B3GNT5: variants seen among roughly 807,000 people sequenced by gnomAD.
B3GNT5 encodes the protein UDP-GlcNAc:betaGal beta-1,3-N-acetylglucosaminyltransferase 5, also known as lactosylceramide 1,3-N-acetyl-beta-D-glucosaminyltransferase.
A neutral mutation model predicts 25.9 loss-of-function variants in B3GNT5; 11 were observed. The ratio of observed to expected loss-of-function variants is 0.42; its 90% CI spans 0.27 to 0.70. The LOEUF (loss-of-function observed/expected upper bound fraction) is 0.70. Ranked by LOEUF, B3GNT5 falls within the 30% of genes least tolerant of loss-of-function variation. The pLI is 0.23. For missense variants in B3GNT5, 385 were observed against 458.4 expected, an observed-to-expected ratio of 0.84 and a Z score of 1.46; for synonymous variants, 166 against 158.6, an observed-to-expected ratio of 1.05 and a Z score of -0.35.
chr3:183,264,658 C>T (rs562117883), intron 1 of B3GNT5, among the ~76,000 whole-genome samples: 5 of 152,262 alleles, frequency 3.3e-5, no homozygotes, highest in East Asian at 1.9e-4. Flanking sequence ...AACTTCAAAA[C>T]GGATAGCAGG....
At position 183,270,771 on chromosome 3, in the gene B3GNT5, C is replaced by A; in HGVS notation, c.973C>A (p.His325Asn). The change falls in exon 2 of 2, where the codon CAC becomes AAC. Residue 325 changes from histidine (H) to asparagine (N), a missense_variant. Coordinates refer to ENST00000326505, the MANE Select transcript of B3GNT5 (RefSeq NM_032047.5). This position sits in a 1 kb window ranked among gnomAD's most constrained non-coding sequence, Gnocchi z 4.5. ...IYEKMMTSHG[H>N]LEDLQDLWKN... ...TGAAAAAATGATGACATCTCATGGA[C>A]ACTTAGAAGATCTCCAGGACCTTTG... 2 of 1,613,878 alleles carry A rather than the reference C, an allele frequency of 1.2e-6. No homozygotes were observed. The highest frequency in any genetic ancestry group is 1.7e-6 in the Non-Finnish European group (2 of 1,179,950).
At chr3:183,257,958 C>CTTTTTTTT (rs35323502) in intron 1 of B3GNT5, among the ~76,000 whole-genome samples, 1,305 of 64,748 alleles carry the variant, frequency 0.02, 244 homozygotes, top group African/African-American at 0.034. Flanking sequence ...CCACTTCACC[C>CTTTTTTTT]TTTTTTTTTT....
At position 183,271,007 on chromosome 3, in the gene B3GNT5, T is replaced by G. The variant is rs1726725397; in HGVS notation, c.*72T>G. 1.5e-6 allele frequency: 2 copies of G among 1,369,206 alleles called. No homozygotes were observed. The highest frequency in any genetic ancestry group is 3.1e-5 in the South Asian group (2 of 65,094). The allele number at this position is 1,369,206 out of a possible 1,614,324, so 84.8% of individuals were successfully genotyped here. ...GATGAAAAAAACCTTTAAATGTTCG[T>G]CTATACCCTAAGTAAAATGAGGACG... On this transcript the variant is annotated 3_prime_UTR_variant, in exon 2 of 2. Transcript: ENST00000326505.
intron 1 of B3GNT5, among the ~76,000 whole-genome samples, chr3:183,264,557 T>C (rs1035470365): frequency 1.3e-5 from 2 of 152,226 alleles, no homozygotes; most frequent in East Asian, 3.8e-4. Context: ...GCAGAGTAAA[T>C]ACTCATATAC....
chr3:183,270,379 A>G lies in B3GNT5; in HGVS notation c.581A>G (p.Asp194Gly), dbSNP rs1726643518. The G allele has an allele frequency of 6.2e-7, 1 of 1,614,116 alleles. No individual in the cohort carries two copies. The highest frequency in any genetic ancestry group is 1.3e-5 in the African/African-American group (1 of 74,942). The change falls in exon 2 of 2, where the codon GAT becomes GGT. Residue 194 changes from aspartate to glycine, a missense_variant. Coordinates refer to ENST00000326505, the MANE Select transcript of B3GNT5 (RefSeq NM_032047.5). This position sits in a 1 kb window ranked among gnomAD's most constrained non-coding sequence, Gnocchi z 4.5. ...GCCAAATTTCTTATGACTGCTGATGATGACATATTTATTCACATGCCAAAT... is the reference window on the plus strand; with the variant it reads ...GCCAAATTTCTTATGACTGCTGATGGTGACATATTTATTCACATGCCAAAT... The part of the protein sequence containing the change: ...PHAKFLMTAD[D>G]DIFIHMPNLI...
chr3:183,264,749 A>G (rs1368456081), intron 1 of B3GNT5, among the ~76,000 whole-genome samples: 1 of 152,224 alleles, frequency 6.6e-6, no homozygotes, highest in Non-Finnish European at 1.5e-5. Flanking sequence ...TACAACAATC[A>G]GGGATTATTG....
chr3:183,254,873 C>T (rs998087683), intron 1 of B3GNT5: 5 of 152,274 alleles, frequency 3.3e-5, no homozygotes, highest in African/African-American at 1.2e-4. Flanking sequence ...TTGACTCTGC[C>T]TCATTTCATT....
At position 183,270,660 on chromosome 3, in the gene B3GNT5, C is replaced by T; in HGVS notation, c.862C>T (p.Leu288Phe). 3 of 1,614,116 alleles carry T rather than the reference C, an allele frequency of 1.9e-6. No individual in the cohort carries two copies. The highest frequency in any genetic ancestry group is 2.5e-6 in the Non-Finnish European group (3 of 1,180,034). The change falls in exon 2 of 2, where the codon CTC (leucine) becomes TTC (phenylalanine). Residue 288 changes from leucine (L) to phenylalanine (F), a missense_variant. Physicochemically the swap from Leu to Phe is conservative, Grantham distance 22. Coordinates refer to ENST00000326505, the MANE Select transcript of B3GNT5 (RefSeq NM_032047.5). This position sits in a 1 kb window ranked among gnomAD's most constrained non-coding sequence, Gnocchi z 4.5. ...SLYIDDVFMG[L>F]CANKIGIVPQ... ...TTACATAGACGATGTGTTCATGGGC[C>T]TCTGTGCCAATAAAATAGGGATAGT...
rs946519223 is a variant in B3GNT5, at chr3:183,259,078, G to A, written c.-302+5606G>A. ...TGTAGTTGGTTGAATCTGAGGATGC[G>A]GAACCCATGAACGTACACGACCAAC... On this transcript the variant is annotated intron_variant, in intron 1 of 1. Coordinates refer to ENST00000326505, the MANE Select transcript of B3GNT5 (RefSeq NM_032047.5). Among the ~76,000 whole-genome samples, 3 of 152,050 alleles carry A rather than the reference G, an allele frequency of 2.0e-5. No individual in the cohort carries two copies. The South Asian group carries it at 6.2e-4, about 31-fold the overall frequency.
intron 1 of B3GNT5, chr3:183,265,836 T>G (rs774496795): frequency 1.3e-5 from 2 of 152,240 alleles, no homozygotes; most frequent in Non-Finnish European, 2.9e-5. Context: ...TTGTGATTTA[T>G]GTAAATGGTG....
intron 1 of B3GNT5, among the ~76,000 whole-genome samples, chr3:183,268,350 C>A (rs1726359872): frequency 6.6e-6 from 1 of 152,126 alleles, no homozygotes; most frequent in African/African-American, 2.4e-5. Context: ...TGGTTAAATC[C>A]AAGTTTTACA....
chr3:183,270,890 A>G lies in B3GNT5; in HGVS notation c.1092A>G (p.Lys364=). 6.2e-7 allele frequency: 1 copy of G among 1,606,932 alleles called. No homozygotes were observed. The highest frequency in any genetic ancestry group is 2.2e-5 in the East Asian group (1 of 44,864). Residue 364 remains lysine (K), a synonymous_variant, in exon 2 of 2, where the codon AAA becomes AAG. Coordinates refer to ENST00000326505, the MANE Select transcript of B3GNT5 (RefSeq NM_032047.5). This position sits in a 1 kb window ranked among gnomAD's most constrained non-coding sequence, Gnocchi z 4.5. ...TAATGAAGATAATTCTCCTTTGTAA[A>G]ATTAGCTATGTGGACACATACCCTT... ...CRLMKIILLC[K]ISYVDTYPCR... is the part of the protein sequence containing the mutation.
chr3:183,264,659 G>C (rs574570091), intron 1 of B3GNT5, among the ~76,000 whole-genome samples: 1 of 152,092 alleles, frequency 6.6e-6, no homozygotes, highest in Non-Finnish European at 1.5e-5. Flanking sequence ...ACTTCAAAAC[G>C]GATAGCAGGT....
At chr3:183,263,722 C>T (rs1471162251) in intron 1 of B3GNT5, among the ~76,000 whole-genome samples, 1 of 152,154 alleles carries the variant, frequency 6.6e-6, no homozygotes, top group African/African-American at 2.4e-5. Context: ...CTCTCCATCG[C>T]CTCGAACTCA....
At chr3:183,262,570 C>T (rs964544358) in intron 1 of B3GNT5, among the ~76,000 whole-genome samples, 23 of 152,092 alleles carry the variant, frequency 1.5e-4, no homozygotes, top group African/African-American at 3.9e-4. Flanking sequence ...AGTCCCGGCC[C>T]GATCAGTATG....
chr3:183,262,235 G>A (rs973056178), intron 1 of B3GNT5, among the ~76,000 whole-genome samples: 5 of 132,140 alleles, frequency 3.8e-5, no homozygotes, highest in African/African-American at 1.6e-4. Context: ...ATACACTAAG[G>A]GTTAGTCTTG....
rs1036695125 is a variant in B3GNT5 at position 183,267,941 on chromosome 3, C to A, written c.-301-1557C>A. On this transcript the variant is annotated intron_variant, in intron 1 of 1. Coordinates refer to ENST00000326505, the MANE Select transcript of B3GNT5 (RefSeq NM_032047.5). This position sits in a 1 kb window ranked among gnomAD's most constrained non-coding sequence, Gnocchi z 5.5. Reference sequence around the variant, plus strand: ...TGGGGAATGCCTACCAGGGGTCACACACTGAGCTGGATGCTGAGTGTAGGG... The same window carrying A: ...TGGGGAATGCCTACCAGGGGTCACAAACTGAGCTGGATGCTGAGTGTAGGG... Among the ~76,000 whole-genome samples the A allele has an allele frequency of 2.0e-5, 3 of 152,202 alleles. No individual in the cohort carries two copies. Among genetic ancestry groups the A allele is most frequent in the Non-Finnish European group, 2.9e-5 (2 of 68,032 alleles).
Position 183,269,901 on chromosome 3 carries a change from A to G in B3GNT5, c.103A>G (p.Ile35Val). The change falls in exon 2 of 2, where the codon ATC (isoleucine) becomes GTC (valine). Residue 35 changes from isoleucine (I) to valine (V), a missense_variant. Transcript: ENST00000326505. Reference protein sequence around the residue: ...LASLMFFWEPIDNHIVSHMKS... With the variant: ...LASLMFFWEPVDNHIVSHMKS... ...GAGCCTCATGTTTTTTTGGGAACCA[A>G]TCGATAATCACATTGTGAGCCATAT... is the stretch of plus-strand genomic sequence containing the variant. The G allele has an allele frequency of 2.5e-6, 4 of 1,614,044 alleles. No individual in the cohort carries two copies. Among genetic ancestry groups the G allele is most frequent in the Non-Finnish European group, 3.4e-6 (4 of 1,180,004 alleles).
chr3:183,259,461 A>G lies in B3GNT5; in HGVS notation c.-302+5989A>G, dbSNP rs1056612816. ...ACCTTATGATGGATAACTGGTTTAC[A>G]TCTCTTCATCAGGTTTACTTCTTAC... On this transcript the variant is annotated intron_variant, in intron 1 of 1. Coordinates refer to ENST00000326505, the MANE Select transcript of B3GNT5 (RefSeq NM_032047.5). Among the ~76,000 whole-genome samples, 6 of 152,198 alleles carry G rather than the reference A, an allele frequency of 3.9e-5. 1 individual carries two copies. Among genetic ancestry groups the G allele is most frequent in the African/African-American group, 1.4e-4 (6 of 41,454 alleles).
Sources: allele counts gnomAD v4.1 joint callset (sites outside exome capture counted in the v4.1 genomes callset), GRCh38; gene constraint gnomAD v4.1.1; non-coding constraint Gnocchi (gnomAD v3.1); transcripts MANE v1.5; gene names NCBI Gene and HGNC (gene_info 2026-07-23, HGNC 2026-07-21).